The following SLC35F4 variants were observed in gnomAD, a reference collection of about 807,000 sequenced individuals.
SLC35F4 encodes chromosome 14 open reading frame 36.
Under a neutral mutation model 44.2 loss-of-function variants are expected in SLC35F4, and 24 were observed. That is an observed-to-expected ratio of 0.54 (90% CI 0.39 to 0.76). The LOEUF is 0.76. Ranked by LOEUF, SLC35F4 falls within the 30% of genes least tolerant of loss-of-function variation. The pLI, the probability that SLC35F4 is intolerant of heterozygous loss-of-function variation, is 0.00. For synonymous variants in SLC35F4, 238 were observed against 223.6 expected, an observed-to-expected ratio of 1.06 and a Z score of -0.57; for missense variants, 562 against 586.1, an observed-to-expected ratio of 0.96 and a Z score of 0.42.
At chr14:57,982,537 T>C (rs1439206780), upstream of SLC35F4, among the ~76,000 whole-genome samples, 1 of 151,738 alleles carries the variant, frequency 6.6e-6, no homozygotes, top group Non-Finnish European at 1.5e-5. Context: ...AGGGGGAATA[T>C]GAGCAGAAGC....
At chr14:57,979,628 C>T (rs1007672933) in intron 1 of SLC35F4, among the ~76,000 whole-genome samples, 4 of 151,924 alleles carry the variant, frequency 2.6e-5, no homozygotes, top group Non-Finnish European at 5.9e-5. Context: ...CGTAGCTAAC[C>T]TTGACCAATG....
intron 1 of SLC35F4, among the ~76,000 whole-genome samples, chr14:57,676,726 T>C (rs1489354512): frequency 1.3e-5 from 2 of 152,042 alleles, no homozygotes; most frequent in African/African-American, 4.8e-5. Context: ...CACCTTACTC[T>C]GGCAAGAATG....
intron 1 of SLC35F4, among the ~76,000 whole-genome samples, chr14:57,952,686 C>G (rs1287875577): frequency 6.6e-6 from 1 of 151,572 alleles, no homozygotes; most frequent in African/African-American, 2.4e-5. Flanking sequence ...GAAAGGATAT[C>G]AGAGATTGAA....
chr14:57,949,592 T>C (rs1236072704), intron 1 of SLC35F4, among the ~76,000 whole-genome samples: 3 of 152,170 alleles, frequency 2.0e-5, no homozygotes, highest in Non-Finnish European at 4.4e-5. Context: ...ATACCATGTT[T>C]TTTTCATTGT....
intron 1 of SLC35F4, among the ~76,000 whole-genome samples, chr14:57,822,823 G>A (rs1883317333): frequency 1.3e-5 from 2 of 152,154 alleles, no homozygotes; most frequent in African/African-American, 4.8e-5. Context: ...CACTCTTGTG[G>A]CTTTCTCCTC....
At chr14:57,668,387 A>G (rs1234041635) in intron 1 of SLC35F4, among the ~76,000 whole-genome samples, 1 of 151,888 alleles carries the variant, frequency 6.6e-6, no homozygotes, top group Non-Finnish European at 1.5e-5. Flanking sequence ...TTGGTGTTTT[A>G]GACATGAAGT....
chr14:57,903,629 C>T (rs1370154746), intron 1 of SLC35F4, among the ~76,000 whole-genome samples: 1 of 152,186 alleles, frequency 6.6e-6, no homozygotes, highest in South Asian at 2.1e-4. Context: ...CCCAATACAT[C>T]ATGAAAACCT....
At chr14:57,690,800 G>A (rs1043329382) in intron 1 of SLC35F4, among the ~76,000 whole-genome samples, 2 of 151,912 alleles carry the variant, frequency 1.3e-5, no homozygotes, top group South Asian at 2.1e-4. Context: ...TTCACAATAC[G>A]GTTCATGCTC....
rs1300697727 is a variant in SLC35F4, at chr14:57,884,651, A to G, written n.282+97262T>C. The stretch of plus-strand genomic sequence containing the variant: ...AAGCAGGTCTAAGTATCCATTATTT[A>G]TCTTTGCAAACCAGAAAGTAAGTTC... On this transcript the variant is annotated intron_variant and non_coding_transcript_variant, in intron 1 of 1. Transcript: ENST00000556568. 5.9e-5 allele frequency among the ~76,000 whole-genome samples: 9 copies of G among 152,220 alleles called. No homozygotes were observed. In the East Asian group the frequency reaches 1.7e-3, roughly 29 times the overall value.
At chr14:57,871,526 T>C (rs1218860713) in intron 1 of SLC35F4, among the ~76,000 whole-genome samples, 1 of 152,204 alleles carries the variant, frequency 6.6e-6, no homozygotes, top group Non-Finnish European at 1.5e-5. Flanking sequence ...CGTCTAAAAA[T>C]GCCATGCACA....
At chr14:57,889,413 C>T (rs1046549014) in intron 1 of SLC35F4, among the ~76,000 whole-genome samples, 10 of 152,210 alleles carry the variant, frequency 6.6e-5, no homozygotes, top group African/African-American at 2.4e-4. Context: ...GTGACCCAGC[C>T]GAACAGTGCC....
intron 1 of SLC35F4, among the ~76,000 whole-genome samples, chr14:57,711,741 G>C (rs2075823008): frequency 6.6e-6 from 1 of 152,184 alleles, no homozygotes; most frequent in Non-Finnish European, 1.5e-5. Flanking sequence ...ATCAAGATAT[G>C]ATGAGGCACA....
At chr14:57,682,460 CAG>C (rs1454120601) in intron 1 of SLC35F4, among the ~76,000 whole-genome samples, 5 of 152,000 alleles carry the variant, frequency 3.3e-5, no homozygotes, top group African/African-American at 7.2e-5. Flanking sequence ...TATATGGACA[CAG>C]GGAGCGGAAC....
rs1037550021 is a variant in SLC35F4 at position 57,915,972 on chromosome 14, G to C, written n.282+65941C>G. 2.7e-4 allele frequency among the ~76,000 whole-genome samples: 41 copies of C among 152,258 alleles called. 1 individual carries two copies. Among genetic ancestry groups the C allele is most frequent in the African/African-American group, 8.9e-4 (37 of 41,548 alleles). ...CCCACATTTTCAGATATTTGCTACA[G>C]CAACAACCCTGCTTCTTGTTATCAA... On this transcript the variant is annotated intron_variant and non_coding_transcript_variant, in intron 1 of 1. Coordinates refer to the SLC35F4 transcript ENST00000556568.
chr14:57,760,175 A>C (rs1386824910), intron 1 of SLC35F4, among the ~76,000 whole-genome samples: 1 of 152,026 alleles, frequency 6.6e-6, no homozygotes, highest in Non-Finnish European at 1.5e-5. Context: ...TCTTGCATTT[A>C]GGTCTTTTTT....
At position 57,566,514 on chromosome 14, in the gene SLC35F4, T is replaced by TACC; in HGVS notation, c.1176_1177insGGT (p.Leu392_Ile393insGly). The stretch of plus-strand genomic sequence containing the variant: ...ACGCTGAGCACTGTCCCAATGGAGA[T>TACC]TAGGATTGGGTATGTCAGCACCACC... On this transcript the variant is annotated inframe_insertion, in exon 7 of 8. Transcript: ENST00000556826. The TACC allele has an allele frequency of 6.2e-7, 1 of 1,601,880 alleles. No individual in the cohort carries two copies. The highest frequency in any genetic ancestry group is 8.5e-7 in the Non-Finnish European group (1 of 1,174,398).
At chr14:57,898,127 A>G (rs1352482171) in intron 1 of SLC35F4, among the ~76,000 whole-genome samples, 1 of 152,216 alleles carries the variant, frequency 6.6e-6, no homozygotes, top group African/African-American at 2.4e-5. Flanking sequence ...AAAAGTAACA[A>G]CTTGTATTTA....
chr14:57,756,629 C>A (rs2076999646), intron 1 of SLC35F4, among the ~76,000 whole-genome samples: 1 of 151,608 alleles, frequency 6.6e-6, no homozygotes, highest in Non-Finnish European at 1.5e-5. Context: ...TCTTCTATAT[C>A]CTTACTGACT....
chr14:57,653,170 T>C (rs2073846627), intron 1 of SLC35F4, among the ~76,000 whole-genome samples: 1 of 152,186 alleles, frequency 6.6e-6, no homozygotes, highest in South Asian at 2.1e-4. Flanking sequence ...TAATAGTTAC[T>C]ATTAAATAAA....
Sources: gnomAD v4.1 joint callset for allele counts (sites outside exome capture counted in the v4.1 genomes callset) on GRCh38, gnomAD v4.1.1 for gene constraint, MANE v1.5 for transcripts, NCBI Gene and HGNC (gene_info 2026-07-23, HGNC 2026-07-21) for gene names.